The following KRTAP4-16 variants were observed in gnomAD, a reference collection of about 807,000 sequenced individuals.
The protein encoded by KRTAP4-16 is keratin-associated protein 4-16.
For synonymous variants in KRTAP4-16, 140 were observed against 88.8 expected, an observed-to-expected ratio of 1.58 and a Z score of -3.24; for missense variants, 378 against 233.5, an observed-to-expected ratio of 1.62 and a Z score of -4.03.
exon 1 of KRTAP4-16, chr17:41,102,167 G>A (rs369379592): frequency 2.8e-6 from 4 of 1,426,502 alleles, no homozygotes; most frequent in Admixed American, 1.7e-5. Flanking sequence ...GCAGCACACA[G>A]ACTGGAAGCA....
chr17:41,101,827 C>A (rs1215545159), exon 1 of KRTAP4-16: 3 of 1,590,162 alleles, frequency 1.9e-6, no homozygotes, highest in Non-Finnish European at 2.6e-6. Flanking sequence ...ACGCAGGCAG[C>A]AGCAGGGGCA....
At chr17:41,102,129 G>T (rs746748830) in exon 1 of KRTAP4-16, 2 of 1,552,570 alleles carry the variant, frequency 1.3e-6, no homozygotes, top group South Asian at 1.1e-5. Context: ...TCTGACAACA[G>T]CTGGGGTGAC....
At chr17:41,102,072 G>A (rs2013997623) in exon 1 of KRTAP4-16, 2 of 1,595,356 alleles carry the variant, frequency 1.3e-6, no homozygotes, top group Admixed American at 1.7e-5. Context: ...TGCAGCAGCT[G>A]GACACAGAGC....
chr17:41,101,832 G>A (rs1283336793), exon 1 of KRTAP4-16: 9 of 1,594,612 alleles, frequency 5.6e-6, no homozygotes, highest in Non-Finnish European at 7.7e-6. Flanking sequence ...GGCAGCAGCA[G>A]GGGCAGCAGC....
At chr17:41,101,808 A>T in the KRTAP4-16 span, 12 of 1,576,338 alleles carry the variant, frequency 7.6e-6, no homozygotes, top group Non-Finnish European at 9.5e-6. Flanking sequence ...AGACTCGACC[A>T]CAGACTGGAC....
exon 1 of KRTAP4-16, chr17:41,101,505 T>C (rs1791465744): frequency 4.4e-6 from 2 of 449,926 alleles, no homozygotes; most frequent in African/African-American, 5.6e-5. Flanking sequence ...AGGAGGTTTA[T>C]TGAAGCATGC....
exon 1 of KRTAP4-16, chr17:41,101,558 G>C (rs577739656): frequency 4.4e-6 from 2 of 454,252 alleles, no homozygotes; most frequent in Admixed American, 4.6e-5. Context: ...GGGAGGGGAG[G>C]GGAGGGGAGG....
exon 1 of KRTAP4-16, chr17:41,102,167 G>C (rs369379592): frequency 7.0e-7 from 1 of 1,426,502 alleles, no homozygotes; most frequent in Non-Finnish European, 9.9e-7. Context: ...GCAGCACACA[G>C]ACTGGAAGCA....
the KRTAP4-16 span, chr17:41,101,860 GA>G: frequency 6.2e-7 from 1 of 1,606,888 alleles, no homozygotes; most frequent in Non-Finnish European, 8.5e-7. Context: ...TTCACAGCAA[GA>G]GGGGCAGCAG....
exon 1 of KRTAP4-16, chr17:41,101,977 C>T: frequency 6.2e-7 from 1 of 1,600,924 alleles, no homozygotes; most frequent in South Asian, 1.1e-5. Flanking sequence ...GGGGTGGCAG[C>T]AGGTCGTCCT....
At chr17:41,101,822 GGCAGCAGCAGGGGCA>G in exon 1 of KRTAP4-16, 1 of 1,587,268 alleles carries the variant, frequency 6.3e-7, no homozygotes, top group Non-Finnish European at 8.6e-7. Flanking sequence ...ACTGGACGCA[GGCAGCAGCAGGGGCA>G]GCAGCAGCTC....
exon 1 of KRTAP4-16, chr17:41,102,143 A>C: frequency 2.0e-6 from 3 of 1,518,578 alleles, no homozygotes; most frequent in Non-Finnish European, 2.7e-6. Flanking sequence ...GGGTGACAGC[A>C]GTTGGGTGGG....
chr17:41,101,664 G>T (rs1317537280), exon 1 of KRTAP4-16: 1 of 565,764 alleles, frequency 1.8e-6, no homozygotes, highest in Non-Finnish European at 3.1e-6. Flanking sequence ...GGGAGGGGAG[G>T]GCAAGGGAAA....
chr17:41,102,162 A>T, the KRTAP4-16 span: 399 of 1,454,462 alleles, frequency 2.7e-4, 5 homozygotes, highest in African/African-American at 5.2e-3. Context: ...GGCTGGCAGC[A>T]CACAGACTGG....
At chr17:41,101,942 T>A in the KRTAP4-16 span, 68 of 1,601,582 alleles carry the variant, frequency 4.2e-5, 1 homozygote, top group South Asian at 7.4e-4. Context: ...CACTGGGGTC[T>A]GCAGCAGCTG....
chr17:41,101,756 T>G (rs766056161), exon 1 of KRTAP4-16: 12 of 1,456,514 alleles, frequency 8.2e-6, no homozygotes, highest in African/African-American at 2.9e-5. Flanking sequence ...TGGGGGCAGG[T>G]GGAGATGACA....
the KRTAP4-16 span, chr17:41,101,804 G>A: frequency 2.4e-5 from 37 of 1,571,566 alleles, no homozygotes; most frequent in Admixed American, 4.0e-4. Context: ...CAGGAGACTC[G>A]ACCACAGACT....
At chr17:41,101,854 C>G (rs550136177) in exon 1 of KRTAP4-16, 1 of 1,606,350 alleles carries the variant, frequency 6.2e-7, no homozygotes, top group Non-Finnish European at 8.5e-7. Flanking sequence ...GCTCGATTCA[C>G]AGCAAGAGGG....
exon 1 of KRTAP4-16, chr17:41,101,925 A>G: frequency 6.2e-7 from 1 of 1,609,924 alleles, no homozygotes; most frequent in Non-Finnish European, 8.5e-7. Flanking sequence ...AGCACACGGA[A>G]TGGCAGCACT....
Sources: allele counts gnomAD v4.1 joint callset, GRCh38; gene constraint gnomAD v4.1.1; transcripts MANE v1.5; gene names NCBI Gene and HGNC (gene_info 2026-07-23, HGNC 2026-07-21).